OSBPL6: variants seen among roughly 807,000 people sequenced by gnomAD.
OSBPL6 encodes the protein oxysterol-binding protein-related protein 6.
Under a neutral mutation model 125.8 loss-of-function variants are expected in OSBPL6, and 49 were observed. That is an observed-to-expected ratio of 0.39 (90% confidence interval 0.31 to 0.49). The LOEUF (loss-of-function observed/expected upper bound fraction) is 0.49. OSBPL6 is among the 20% of genes least tolerant of loss of function. The probability of loss-of-function intolerance (pLI) is 0.88; values close to 1 mark genes in which losing one functional copy is unlikely to be tolerated. For missense variants in OSBPL6, 986 were observed against 1,135.4 expected (o/e 0.87, Z 1.89); for synonymous variants, 394 against 391.8 (o/e 1.01, Z -0.07).
At chr2:178,291,180 AT>A (rs1228194192) in intron 2 of OSBPL6, among the ~76,000 whole-genome samples, 1 of 151,932 alleles carries the variant, frequency 6.6e-6, no homozygotes, top group Non-Finnish European at 1.5e-5. Context: ...CAGAAGATGA[AT>A]TTTTCTCCCC....
intron 19 of OSBPL6, among the ~76,000 whole-genome samples, chr2:178,385,752 G>C (rs961608741): frequency 6.6e-6 from 1 of 152,242 alleles, no homozygotes; most frequent in East Asian, 1.9e-4. Context: ...TGGAATAGCA[G>C]AGCTCCATGC....
intron 5 of OSBPL6, among the ~76,000 whole-genome samples, chr2:178,331,037 G>A (rs1315568419): frequency 1.3e-5 from 2 of 152,188 alleles, no homozygotes; most frequent in Non-Finnish European, 2.9e-5. Flanking sequence ...ATATTACTAA[G>A]CCCACTTAAA....
At chr2:178,355,466 G>A (rs1476727612) in intron 12 of OSBPL6, among the ~76,000 whole-genome samples, 1 of 152,058 alleles carries the variant, frequency 6.6e-6, no homozygotes. Flanking sequence ...ACACTTCTAC[G>A]CAAATAAACT....
chr2:178,392,792 T>A (rs1467697798), intron 23 of OSBPL6, among the ~76,000 whole-genome samples: 1 of 151,578 alleles, frequency 6.6e-6, no homozygotes, highest in African/African-American at 2.4e-5. Flanking sequence ...GCCTAGGATG[T>A]TGAGGCCACA....
At chr2:178,243,324 A>ATC (rs1430637820) in intron 1 of OSBPL6, among the ~76,000 whole-genome samples, 1 of 152,164 alleles carries the variant, frequency 6.6e-6, no homozygotes, top group Non-Finnish European at 1.5e-5. Flanking sequence ...GTTTCACTTA[A>ATC]TCCTACCACG....
At chr2:178,378,967 C>A (rs1179927357) in intron 15 of OSBPL6, among the ~76,000 whole-genome samples, 1 of 151,946 alleles carries the variant, frequency 6.6e-6, no homozygotes, top group African/African-American at 2.4e-5. Context: ...GAGTTTGAGA[C>A]CAGCCCGGGC....
At chr2:178,301,603 G>C (rs1044193575) in intron 2 of OSBPL6, among the ~76,000 whole-genome samples, 14 of 152,124 alleles carry the variant, frequency 9.2e-5, no homozygotes, top group African/African-American at 3.4e-4. Flanking sequence ...TTTTCCTATA[G>C]TTTATATAGT....
intron 18 of OSBPL6, 55 bp from the exon 19 acceptor site, chr2:178,385,403 G>T: frequency 1.6e-6 from 2 of 1,224,076 alleles, no homozygotes; most frequent in South Asian, 1.3e-5. Flanking sequence ...AGAAATGGAT[G>T]ACCATGTGGA....
At chr2:178,348,473 A>G (rs566554892) in intron 11 of OSBPL6, among the ~76,000 whole-genome samples, 2 of 152,356 alleles carry the variant, frequency 1.3e-5, no homozygotes, top group African/African-American at 2.4e-5. Flanking sequence ...TCCACCAATC[A>G]GGAACCTAGT....
chr2:178,355,991 T>G (rs1691750573), intron 12 of OSBPL6, among the ~76,000 whole-genome samples: 1 of 152,190 alleles, frequency 6.6e-6, no homozygotes, highest in Admixed American at 6.5e-5. Context: ...AAAAACCACA[T>G]GATTATCTCA....
intron 1 of OSBPL6, among the ~76,000 whole-genome samples, chr2:178,224,496 C>T (rs1485153400): frequency 6.6e-6 from 1 of 152,224 alleles, no homozygotes; most frequent in African/African-American, 2.4e-5. Context: ...AAGGAAATAA[C>T]ATTGTCTTCT....
chr2:178,201,408 G>T (rs970882899), intron 1 of OSBPL6, among the ~76,000 whole-genome samples: 1 of 151,256 alleles, frequency 6.6e-6, no homozygotes, highest in Non-Finnish European at 1.5e-5. Flanking sequence ...TGAGATGAGG[G>T]TCTCACTATG....
chr2:178,306,497 A>C (rs1009042991), intron 3 of OSBPL6, among the ~76,000 whole-genome samples: 1 of 152,186 alleles, frequency 6.6e-6, no homozygotes, highest in Non-Finnish European at 1.5e-5. Context: ...GAAGGCAGAC[A>C]CAGAAGGCTG....
At chr2:178,300,338 G>A in intron 2 of OSBPL6, among the ~76,000 whole-genome samples, 1 of 152,338 alleles carries the variant, frequency 6.6e-6, no homozygotes, top group East Asian at 1.9e-4. Context: ...GCTTGGGACT[G>A]TGGACACACA....
At chr2:178,290,417 T>G (rs1685136848) in intron 2 of OSBPL6, among the ~76,000 whole-genome samples, 1 of 115,042 alleles carries the variant, frequency 8.7e-6, no homozygotes, top group Admixed American at 1.1e-4. Context: ...CATACTTAAT[T>G]GTAGTGGTTT....
At chr2:178,270,012 A>T (rs1013994621) in intron 1 of OSBPL6, among the ~76,000 whole-genome samples, 2 of 152,084 alleles carry the variant, frequency 1.3e-5, no homozygotes, top group Non-Finnish European at 2.9e-5. Context: ...ACGATAACAC[A>T]CTGGCTTGTT....
intron 4 of OSBPL6, 107 bp from the exon 5 acceptor site, chr2:178,328,149 T>A: frequency 7.2e-7 from 1 of 1,390,162 alleles, no homozygotes; most frequent in Non-Finnish European, 9.8e-7. Context: ...TCCTTCTTTC[T>A]GGTGGGCCTA....
intron 12 of OSBPL6, 33 bp from the exon 13 acceptor site, chr2:178,361,649 T>A (rs1038018878): frequency 6.2e-7 from 1 of 1,611,178 alleles, no homozygotes; most frequent in Non-Finnish European, 8.5e-7. Context: ...TGCACATATC[T>A]GACAGTTTTT....
At chr2:178,276,123 G>C (rs965191159) in intron 1 of OSBPL6, among the ~76,000 whole-genome samples, 9 of 151,892 alleles carry the variant, frequency 5.9e-5, no homozygotes, top group Non-Finnish European at 1.3e-4. Flanking sequence ...AATATATTAC[G>C]ATCATCATAA....
Sources: allele counts gnomAD v4.1 joint callset (sites outside exome capture counted in the v4.1 genomes callset), GRCh38; gene constraint gnomAD v4.1.1; transcripts MANE v1.5; gene names NCBI Gene and HGNC (gene_info 2026-07-23, HGNC 2026-07-21).